The following CEMIP variants were observed in gnomAD, a reference collection of about 807,000 sequenced individuals.
CEMIP encodes cell migration inducing hyaluronidase 1, also known as cell migration-inducing and hyaluronan-binding protein.
Under a neutral mutation model 156.9 loss-of-function variants are expected in CEMIP, and 105 were observed. That is an observed-to-expected ratio of 0.67 (90% CI 0.57 to 0.79). The LOEUF (loss-of-function observed/expected upper bound fraction) is 0.79, where lower values mean the gene tolerates loss of function less well. Among genes scored for constraint, CEMIP ranks in the 30% least tolerant of loss-of-function variants. The probability of loss-of-function intolerance (pLI) is 0.00; values close to 1 mark genes in which losing one functional copy is unlikely to be tolerated. For synonymous variants in CEMIP, 676 were observed against 668.4 expected (o/e 1.01, Z -0.17); for missense variants, 1,457 against 1,769.4 (o/e 0.82, Z 3.17).
chr15:80,896,142 C>G (rs1007931331), intron 12 of CEMIP, 82 bp downstream of exon 12: 3 of 1,362,468 alleles, frequency 2.2e-6, no homozygotes, highest in Non-Finnish European at 3.1e-6. Flanking sequence ...TACAACAAAT[C>G]TGTATCAGTC....
At chr15:80,825,132 C>T (rs1181411108) in intron 1 of CEMIP, among the ~76,000 whole-genome samples, 1 of 152,200 alleles carries the variant, frequency 6.6e-6, no homozygotes, top group Admixed American at 6.5e-5. Context: ...GCTGTCATAA[C>T]AAACTTGTGA....
At position 80,895,068 on chromosome 15, in the gene CEMIP, G is replaced by A. The variant is rs771612742; in HGVS notation, c.1165G>A (p.Asp389Asn). 19 of 1,614,022 alleles carry A rather than the reference G, an allele frequency of 1.2e-5. No individual in the cohort carries two copies. Among genetic ancestry groups the A allele is most frequent in the South Asian group, 4.4e-5 (4 of 91,070 alleles). ...CCAGGATTATAGGTTTGCTTGCTAC[G>A]ACCGGGGCAGAGCCTGCCGGAGCTA... Reference protein sequence around the residue: ...KGQDYRFACYDRGRACRSYRV... With the variant: ...KGQDYRFACYNRGRACRSYRV... The change falls in exon 11 of 30, where the codon GAC becomes AAC. Residue 389 changes from aspartate (D) to asparagine (N), a missense_variant. Transcript: ENST00000394685.
intron 1 of CEMIP, among the ~76,000 whole-genome samples, chr15:80,837,067 T>G (rs12899741): frequency 0.92 from 139,475 of 152,208 alleles, 64,818 homozygotes; most frequent in East Asian, 1. Flanking sequence ...CTATTCTATC[T>G]GCAATCATCT....
intron 17 of CEMIP, 84 bp downstream of exon 17, chr15:80,922,221 G>A (rs2141925392): frequency 6.4e-7 from 1 of 1,558,194 alleles, no homozygotes; most frequent in East Asian, 2.2e-5. Context: ...GGGACAGCCA[G>A]TTGGCGACAG....
intron 1 of CEMIP, among the ~76,000 whole-genome samples, chr15:80,847,197 C>T (rs1453898502): frequency 6.6e-6 from 1 of 152,160 alleles, no homozygotes; most frequent in Non-Finnish European, 1.5e-5. Flanking sequence ...TACAGGCATG[C>T]ACCATCATGC....
At chr15:80,924,548 G>T in intron 17 of CEMIP, 73 bp from the exon 18 acceptor site, 1 of 1,325,772 alleles carries the variant, frequency 7.5e-7, no homozygotes, top group Non-Finnish European at 1.1e-6. Flanking sequence ...AGTATGCAGT[G>T]AGGCTGACTG....
At chr15:80,946,940 G>T (rs1901580694) in intron 28 of CEMIP, 25 bp from the exon 29 acceptor site, 1 of 1,526,068 alleles carries the variant, frequency 6.6e-7, no homozygotes, top group African/African-American at 1.4e-5. Context: ...TCTCCCTCTG[G>T]TCTAATTGGT....
At chr15:80,812,403 A>G (rs928462848) in intron 1 of CEMIP, among the ~76,000 whole-genome samples, 4 of 152,174 alleles carry the variant, frequency 2.6e-5, no homozygotes, top group Admixed American at 6.5e-5. Context: ...GTAAAAGAAG[A>G]GGATTTTGGA....
At chr15:80,908,355 T>C (rs6495533) in intron 13 of CEMIP, among the ~76,000 whole-genome samples, 23,314 of 152,070 alleles carry the variant, frequency 0.15, 2,024 homozygotes, top group East Asian at 0.27. Context: ...GACACTCCAG[T>C]TGACACCTAT....
At chr15:80,810,358 G>C (rs1453599627) in intron 1 of CEMIP, among the ~76,000 whole-genome samples, 3 of 151,948 alleles carry the variant, frequency 2.0e-5, no homozygotes, top group African/African-American at 4.8e-5. Flanking sequence ...TGAGTCACCT[G>C]TGTTTTTTTG....
At chr15:80,861,485 T>C (rs532342296) in intron 1 of CEMIP, among the ~76,000 whole-genome samples, 2 of 152,332 alleles carry the variant, frequency 1.3e-5, no homozygotes, top group Admixed American at 6.5e-5. Flanking sequence ...ACTGATTTTC[T>C]CCTCTTTGAA....
At chr15:80,841,979 C>G (rs917277275) in intron 1 of CEMIP, 1 of 396,868 alleles carries the variant, frequency 2.5e-6, no homozygotes, top group African/African-American at 2.2e-5. Context: ...TAGCACAGTG[C>G]CTGGGATATA....
chr15:80,848,200 G>A (rs111637457), intron 1 of CEMIP, among the ~76,000 whole-genome samples: 216 of 152,294 alleles, frequency 1.4e-3, no homozygotes, highest in African/African-American at 5.0e-3. Context: ...CTGAGGTAGC[G>A]TATTCTTATT....
intron 1 of CEMIP, among the ~76,000 whole-genome samples, chr15:80,826,524 C>A (rs1447612129): frequency 2.0e-5 from 3 of 152,210 alleles, no homozygotes; most frequent in Non-Finnish European, 2.9e-5. Context: ...GTTTATGCAG[C>A]AACTCATGAT....
At chr15:80,928,073 G>A (rs1374180786) in intron 19 of CEMIP, among the ~76,000 whole-genome samples, 2 of 152,142 alleles carry the variant, frequency 1.3e-5, no homozygotes, top group Non-Finnish European at 2.9e-5. Flanking sequence ...AAGTTTTAGG[G>A]ACCAGAGAGG....
chr15:80,797,808 C>G (rs1025749824), intron 1 of CEMIP, among the ~76,000 whole-genome samples: 1 of 152,208 alleles, frequency 6.6e-6, no homozygotes. Flanking sequence ...GCTTCGGGTT[C>G]TTTATTACCA....
Position 80,936,820 on chromosome 15 carries a change from C to T in CEMIP, c.3156C>T (p.Gly1052=), listed in dbSNP as rs1596206003. ...QYQPVVTLQK[G]YTIHWDQTAP... Reference sequence around the variant, plus strand: ...AACCGGTTGTCACCCTGCAGAAGGGCTACACCATCCACTGGGACCAGACGG... The same window carrying T: ...AACCGGTTGTCACCCTGCAGAAGGGTTACACCATCCACTGGGACCAGACGG... Residue 1052 remains glycine, a synonymous_variant, in exon 24 of 30, where the codon GGC becomes GGT. Transcript: ENST00000394685. The T allele has an allele frequency of 1.2e-6, 2 of 1,614,128 alleles. No individual in the cohort carries two copies. The highest frequency in any genetic ancestry group is 4.5e-5 in the East Asian group (2 of 44,882).
chr15:80,881,163 T>C, intron 6 of CEMIP, 27 bp downstream of exon 6: 9 of 1,579,658 alleles, frequency 5.7e-6, no homozygotes, highest in Non-Finnish European at 6.1e-6. Flanking sequence ...CTTAAACGTA[T>C]ACTCATTCAT....
In CEMIP at chr15:80,879,776, T is replaced by C; in HGVS notation, c.302T>C (p.Ile101Thr). ...GTTTTGCGAACCCGGCACATCCTGA[T>C]TGACAACGGAGGAGAGCTGCATGCT... Reference protein sequence around the residue: ...PIVLRTRHILIDNGGELHAGS... With the variant: ...PIVLRTRHILTDNGGELHAGS... The change falls in exon 5 of 30, where the codon ATT becomes ACT. Residue 101 changes from isoleucine to threonine, a missense_variant. Physicochemically the swap from Ile to Thr is moderately conservative, Grantham distance 89. Transcript: ENST00000394685. 1.9e-6 allele frequency: 3 copies of C among 1,614,184 alleles called. No homozygotes were observed. The highest frequency in any genetic ancestry group is 2.5e-6 in the Non-Finnish European group (3 of 1,180,028).
Sources: gnomAD v4.1 joint callset for allele counts (sites outside exome capture counted in the v4.1 genomes callset) on GRCh38, gnomAD v4.1.1 for gene constraint, MANE v1.5 for transcripts, NCBI Gene and HGNC (gene_info 2026-07-23, HGNC 2026-07-21) for gene names.